Variants in MUCL1 observed in about 807,000 individuals in gnomAD.
The protein encoded by MUCL1 is mucin like 1.
A neutral mutation model predicts 9.2 loss-of-function variants in MUCL1; 11 were observed. The observed-to-expected ratio is 1.19, with a 90% CI of 0.75 to 1.97. The LOEUF (loss-of-function observed/expected upper bound fraction) is 1.97. Among genes scored for constraint, MUCL1 ranks in the 30% most tolerant of loss-of-function variants. MUCL1 has a pLI of 0.00. For missense variants in MUCL1, 144 were observed against 110.9 expected, an observed-to-expected ratio of 1.30 and a Z score of -1.34; for synonymous variants, 48 against 40.5, an observed-to-expected ratio of 1.19 and a Z score of -0.71.
At chr12:54,846,205 A>T (rs555788209) in intron 1 of MUCL1, among the ~76,000 whole-genome samples, 7 of 152,164 alleles carry the variant, frequency 4.6e-5, no homozygotes, top group African/African-American at 1.7e-4. Flanking sequence ...CCGTCTGCAG[A>T]TGGCAAAACT....
intron 1 of MUCL1, among the ~76,000 whole-genome samples, chr12:54,842,895 T>C (rs1284296962): frequency 6.6e-6 from 1 of 152,188 alleles, no homozygotes; most frequent in Non-Finnish European, 1.5e-5. Context: ...ACATACAGGA[T>C]GGTGGCCCCA....
chr12:54,853,262 G>A (rs1255242247), upstream of MUCL1, among the ~76,000 whole-genome samples: 1 of 152,178 alleles, frequency 6.6e-6, no homozygotes, highest in African/African-American at 2.4e-5. Context: ...ATGATTCTGG[G>A]TATTCCAAAT....
At chr12:54,842,203 A>T (rs1340741718) in intron 1 of MUCL1, among the ~76,000 whole-genome samples, 1 of 152,028 alleles carries the variant, frequency 6.6e-6, no homozygotes, top group African/African-American at 2.4e-5. Flanking sequence ...GATGCTTTGA[A>T]CATCTGTATT....
intron 3 of MUCL1, among the ~76,000 whole-genome samples, chr12:54,857,214 A>G (rs1479726448): frequency 3.5e-5 from 5 of 142,208 alleles, no homozygotes; most frequent in Non-Finnish European, 6.2e-5. Context: ...TATTATTATT[A>G]TTTTTTTAAA....
chr12:54,837,630 G>T (rs374644888), upstream of MUCL1, among the ~76,000 whole-genome samples: 1 of 152,096 alleles, frequency 6.6e-6, no homozygotes, highest in Non-Finnish European at 1.5e-5. Flanking sequence ...TTAGCCGGGC[G>T]TGGTGGTGGG....
chr12:54,850,005 G>C (rs1009182538), upstream of MUCL1, among the ~76,000 whole-genome samples: 1 of 152,168 alleles, frequency 6.6e-6, no homozygotes, highest in African/African-American at 2.4e-5. Flanking sequence ...ACCAGCTTCA[G>C]CTTGGGCAAA....
At chr12:54,857,668 A>G (rs1868310848) in intron 3 of MUCL1, among the ~76,000 whole-genome samples, 1 of 152,180 alleles carries the variant, frequency 6.6e-6, no homozygotes, top group Admixed American at 6.5e-5. Flanking sequence ...ACACAGGCAG[A>G]AAGAAAAAGG....
rs200001020 is a variant in MUCL1, at chr12:54,858,176, A to G, written c.224-17A>G. ...TCCTTTGTCGAAGCCCCTTGACAATATTTTTTTCTCTTGCAGTTTTACCCA... is the reference window on the plus strand; with the variant it reads ...TCCTTTGTCGAAGCCCCTTGACAATGTTTTTTTCTCTTGCAGTTTTACCCA... On this transcript the variant is annotated splice_polypyrimidine_tract_variant and intron_variant, in intron 3 of 3. Coordinates refer to ENST00000308796, the MANE Select transcript of MUCL1 (RefSeq NM_058173.3). 2.5e-4 allele frequency: 407 copies of G among 1,612,974 alleles called. 6 individuals carry two copies. In the South Asian group the frequency reaches 4.3e-3, roughly 17 times the overall value.
At chr12:54,856,167 T>A (rs1868297716) in intron 2 of MUCL1, among the ~76,000 whole-genome samples, 1 of 152,190 alleles carries the variant, frequency 6.6e-6, no homozygotes, top group East Asian at 1.9e-4. Context: ...CTAATGTGGC[T>A]CTCACAATTA....
rs566174555 is a variant in MUCL1 at position 54,848,408 on chromosome 12, A to T, written c.44-6708A>T. 2.6e-5 allele frequency among the ~76,000 whole-genome samples: 4 copies of T among 152,298 alleles called. No individual in the cohort carries two copies. The East Asian group carries it at 7.7e-4, about 29-fold the overall frequency. ...AGAATATTAAGTTATCACAGTTATA[A>T]GATGACCCAGCTGTGTGTTTTTCAA... On this transcript the variant is annotated intron_variant, in intron 1 of 3. Transcript: ENST00000546809.
chr12:54,835,662 C>T (rs561601173), upstream of MUCL1, among the ~76,000 whole-genome samples: 1 of 148,410 alleles, frequency 6.7e-6, no homozygotes, highest in South Asian at 2.1e-4. Flanking sequence ...TCCAGGTCTT[C>T]GTGGGAATGC....
upstream of MUCL1, among the ~76,000 whole-genome samples, chr12:54,837,265 A>T (rs1959194283): frequency 6.6e-6 from 1 of 152,030 alleles, no homozygotes; most frequent in African/African-American, 2.4e-5. Flanking sequence ...GGAGCTCCAG[A>T]GTTAGGTGCA....
At chr12:54,837,785 A>G (rs1365677705), upstream of MUCL1, among the ~76,000 whole-genome samples, 1 of 151,772 alleles carries the variant, frequency 6.6e-6, no homozygotes, top group East Asian at 1.9e-4. Flanking sequence ...AACAAAAACA[A>G]AAACAAAAAA....
upstream of MUCL1, among the ~76,000 whole-genome samples, chr12:54,851,349 T>C (rs1190334373): frequency 6.6e-6 from 1 of 152,140 alleles, no homozygotes; most frequent in Non-Finnish European, 1.5e-5. Flanking sequence ...GCAAGGCTGG[T>C]TAACATATGC....
chr12:54,839,107 T>G (rs779636180), upstream of MUCL1, among the ~76,000 whole-genome samples: 6 of 152,196 alleles, frequency 3.9e-5, no homozygotes, highest in Non-Finnish European at 8.8e-5. Context: ...TTCTTAAATT[T>G]TTTTCTCATT....
intron 1 of MUCL1, among the ~76,000 whole-genome samples, chr12:54,840,961 G>A (rs1185315225): frequency 6.6e-6 from 1 of 152,178 alleles, no homozygotes; most frequent in Non-Finnish European, 1.5e-5. Flanking sequence ...GGATGAAACT[G>A]TATAATTTGA....
At chr12:54,835,312 G>A (rs1198753494), upstream of MUCL1, among the ~76,000 whole-genome samples, 3 of 152,052 alleles carry the variant, frequency 2.0e-5, no homozygotes, top group African/African-American at 7.2e-5. Flanking sequence ...TCTACTTTTT[G>A]TTCTTTGAGA....
upstream of MUCL1, among the ~76,000 whole-genome samples, chr12:54,853,248 C>T (rs1047099327): frequency 6.6e-6 from 1 of 152,176 alleles, no homozygotes; most frequent in Non-Finnish European, 1.5e-5. Flanking sequence ...GTAGAGAATT[C>T]CCTATGATTC....
At chr12:54,834,490 T>C (rs1458211896), upstream of MUCL1, among the ~76,000 whole-genome samples, 3 of 152,078 alleles carry the variant, frequency 2.0e-5, no homozygotes, top group Non-Finnish European at 4.4e-5. Context: ...AAAATTTATC[T>C]TTAAAGTTTT....
Sources: allele counts gnomAD v4.1 joint callset (sites outside exome capture counted in the v4.1 genomes callset), GRCh38; gene constraint gnomAD v4.1.1; transcripts MANE v1.5; gene names NCBI Gene and HGNC (gene_info 2026-07-23, HGNC 2026-07-21).